The following METTL15 variants were observed in gnomAD, a reference collection of about 807,000 sequenced individuals.
The protein encoded by METTL15 is methyltransferase 15, mitochondrial 12S rRNA N4-cytidine.
Under a neutral mutation model 38.3 loss-of-function variants are expected in METTL15, and 34 were observed. That is an observed-to-expected ratio of 0.89 (90% CI 0.68 to 1.18). The LOEUF (loss-of-function observed/expected upper bound fraction) is 1.18, where lower values mean the gene tolerates loss of function less well. Among genes scored for constraint, METTL15 ranks in the 50% most tolerant of loss-of-function variants. The probability of loss-of-function intolerance (pLI) is 0.00; values close to 1 mark genes in which losing one functional copy is unlikely to be tolerated. For missense variants in METTL15, 438 were observed against 498.4 expected, an observed-to-expected ratio of 0.88 and a Z score of 1.15; for synonymous variants, 162 against 170.9, an observed-to-expected ratio of 0.95 and a Z score of 0.41.
intron 4 of METTL15, among the ~76,000 whole-genome samples, chr11:28,254,954 T>C (rs1854911239): frequency 6.6e-6 from 1 of 152,164 alleles, no homozygotes; most frequent in African/African-American, 2.4e-5. Flanking sequence ...TCTAGGACAT[T>C]TGTGGTTCCA....
intron 3 of METTL15, among the ~76,000 whole-genome samples, chr11:28,164,570 T>C (rs887529315): frequency 6.6e-6 from 1 of 152,040 alleles, no homozygotes; most frequent in African/African-American, 2.4e-5. Flanking sequence ...TATAATAATA[T>C]ATATTTATGG....
chr11:28,415,768 T>G (rs1167869589), intron 5 of METTL15, among the ~76,000 whole-genome samples: 1 of 152,168 alleles, frequency 6.6e-6, no homozygotes, highest in African/African-American at 2.4e-5. Flanking sequence ...TAATAGCATC[T>G]CCTTCTAAAC....
intron 6 of METTL15, among the ~76,000 whole-genome samples, chr11:28,468,783 G>T (rs1851278691): frequency 6.6e-6 from 1 of 151,908 alleles, no homozygotes; most frequent in South Asian, 2.1e-4. Context: ...ATGATTCCAG[G>T]GCTCTACCTC....
At chr11:28,381,916 CTT>C (rs772753660) in intron 5 of METTL15, among the ~76,000 whole-genome samples, 3 of 145,798 alleles carry the variant, frequency 2.1e-5, no homozygotes, top group Middle Eastern at 3.5e-3. Context: ...TTCCTGTTTC[CTT>C]TTTTTTTTTG....
chr11:28,284,459 A>G (rs908801475), intron 4 of METTL15, among the ~76,000 whole-genome samples: 5 of 152,200 alleles, frequency 3.3e-5, no homozygotes, highest in Non-Finnish European at 5.9e-5. Flanking sequence ...GCGATTTGTT[A>G]TAGGCTTTTG....
intron 3 of METTL15, among the ~76,000 whole-genome samples, chr11:28,143,030 A>G (rs1411216165): frequency 1.3e-5 from 2 of 152,134 alleles, no homozygotes; most frequent in African/African-American, 4.8e-5. Flanking sequence ...AGAGCTAGAT[A>G]TGGTAAGTGA....
chr11:28,354,849 A>G (rs1021376002), intron 4 of METTL15, among the ~76,000 whole-genome samples: 1 of 152,240 alleles, frequency 6.6e-6, no homozygotes, highest in African/African-American at 2.4e-5. Flanking sequence ...TATGTTGCCA[A>G]CAAAAATGTT....
intron 6 of METTL15, chr11:28,526,410 A>G (rs562141289): frequency 6.6e-6 from 1 of 152,280 alleles, no homozygotes; most frequent in South Asian, 2.1e-4. Context: ...CATCCAGGTA[A>G]CCTAATTTGT....
chr11:28,391,056 T>C (rs190419659), intron 5 of METTL15, among the ~76,000 whole-genome samples: 174 of 152,280 alleles, frequency 1.1e-3, no homozygotes, highest in African/African-American at 4.1e-3. Flanking sequence ...ATAAGAATGC[T>C]TGTGATTTTT....
chr11:28,376,788 C>T (rs1032124969), intron 5 of METTL15, among the ~76,000 whole-genome samples: 23 of 149,786 alleles, frequency 1.5e-4, no homozygotes, highest in South Asian at 4.3e-4. Flanking sequence ...GACTTTGCAG[C>T]GGCTGGTACC....
intron 6 of METTL15, among the ~76,000 whole-genome samples, chr11:28,317,208 A>G (rs1324420002): frequency 6.6e-6 from 1 of 152,032 alleles, no homozygotes; most frequent in Non-Finnish European, 1.5e-5. Context: ...ACCTGGTAGG[A>G]GTTGGGGATT....
intron 4 of METTL15, among the ~76,000 whole-genome samples, chr11:28,285,825 G>A (rs958125446): frequency 2.6e-5 from 4 of 152,054 alleles, no homozygotes; most frequent in Middle Eastern, 6.8e-3. Flanking sequence ...CCAGTAGCTC[G>A]ATGGAAAAAA....
intron 4 of METTL15, among the ~76,000 whole-genome samples, chr11:28,247,981 T>G (rs1056637817): frequency 6.6e-6 from 1 of 152,080 alleles, no homozygotes; most frequent in African/African-American, 2.4e-5. Flanking sequence ...AAATATGTCT[T>G]TGGGCTTTCA....
At chr11:28,195,202 A>G (rs1186938358) in intron 3 of METTL15, among the ~76,000 whole-genome samples, 2 of 152,108 alleles carry the variant, frequency 1.3e-5, no homozygotes, top group Non-Finnish European at 2.9e-5. Context: ...TTTTGATACA[A>G]TGATTTCTTT....
chr11:28,497,437 G>A (rs1389835747), intron 6 of METTL15, among the ~76,000 whole-genome samples: 1 of 152,186 alleles, frequency 6.6e-6, no homozygotes, highest in East Asian at 1.9e-4. Context: ...TCTTCTATAT[G>A]TTCCTTTTCA....
At chr11:28,198,294 T>A (rs1241136702) in intron 3 of METTL15, among the ~76,000 whole-genome samples, 1 of 152,120 alleles carries the variant, frequency 6.6e-6, no homozygotes, top group Non-Finnish European at 1.5e-5. Flanking sequence ...ACTTGGACTA[T>A]GATTAAATAC....
intron 3 of METTL15, among the ~76,000 whole-genome samples, chr11:28,165,911 T>C (rs919355316): frequency 1.4e-4 from 22 of 152,176 alleles, no homozygotes; most frequent in Admixed American, 6.5e-5. Context: ...GAAGAGACTG[T>C]CTTTTCCCCA....
intron 3 of METTL15, among the ~76,000 whole-genome samples, chr11:28,115,639 A>G (rs1292512851): frequency 6.6e-6 from 1 of 152,182 alleles, no homozygotes; most frequent in African/African-American, 2.4e-5. Flanking sequence ...TATTAAGAGA[A>G]TCATAAGGAA....
intron 2 of METTL15, among the ~76,000 whole-genome samples, chr11:28,113,021 A>T (rs1024140836): frequency 6.6e-6 from 1 of 152,178 alleles, no homozygotes; most frequent in Admixed American, 6.5e-5. Flanking sequence ...AAAAATGTTG[A>T]CCTAATAATC....
Sources: allele counts gnomAD v4.1 joint callset (sites outside exome capture counted in the v4.1 genomes callset), GRCh38; gene constraint gnomAD v4.1.1; transcripts MANE v1.5; gene names NCBI Gene and HGNC (gene_info 2026-07-23, HGNC 2026-07-21).